Variants in VPS13B observed in about 807,000 individuals in gnomAD.
The protein encoded by VPS13B is vacuolar protein sorting 13 homolog B.
In VPS13B, 285 loss-of-function variants were observed where a neutral mutation model predicts 426.4. The ratio of observed to expected loss-of-function variants is 0.67; its 90% CI spans 0.61 to 0.74. The LOEUF (loss-of-function observed/expected upper bound fraction) is 0.74. VPS13B is among the 30% of genes least tolerant of loss of function. VPS13B has a pLI of 0.00. For synonymous variants in VPS13B, 1,676 were observed against 1,676.4 expected, an observed-to-expected ratio of 1.00 and a Z score of 0.01; for missense variants, 4,537 against 4,782.6, an observed-to-expected ratio of 0.95 and a Z score of 1.51.
intron 40 of VPS13B, 46 bp downstream of exon 40, chr8:99,767,016 T>G (rs1222067968): frequency 6.3e-7 from 1 of 1,587,136 alleles, no homozygotes; most frequent in Non-Finnish European, 8.6e-7. Flanking sequence ...TGGGAAACAA[T>G]GATAAGTCAT....
intron 14 of VPS13B, 103 bp from the exon 15 acceptor site, chr8:99,156,446 T>A (rs1298359927): frequency 6.4e-6 from 7 of 1,087,852 alleles, no homozygotes; most frequent in Non-Finnish European, 8.2e-6. Flanking sequence ...TAGATTGATT[T>A]GATATCACTG....
At chr8:99,311,527 C>T (rs1463437070) in intron 19 of VPS13B, among the ~76,000 whole-genome samples, 2 of 152,156 alleles carry the variant, frequency 1.3e-5, no homozygotes, top group Non-Finnish European at 2.9e-5. Flanking sequence ...GCACTTTGGT[C>T]TGAGAGACAG....
chr8:99,531,100 A>G (rs1048149670), intron 30 of VPS13B, among the ~76,000 whole-genome samples: 15 of 152,192 alleles, frequency 9.9e-5, no homozygotes, highest in African/African-American at 3.1e-4. Context: ...TGTTCCTTAA[A>G]ATAGTCTTAG....
intron 19 of VPS13B, among the ~76,000 whole-genome samples, chr8:99,280,653 C>T (rs1280058722): frequency 6.6e-6 from 1 of 152,064 alleles, no homozygotes; most frequent in African/African-American, 2.4e-5. Context: ...CCTCCTCTTC[C>T]TTTTCCTTCT....
chr8:99,848,525 G>C, intron 54 of VPS13B, among the ~76,000 whole-genome samples: 1 of 152,144 alleles, frequency 6.6e-6, no homozygotes, highest in East Asian at 1.9e-4. Context: ...AGAGAATGAA[G>C]ATACTCATGC....
intron 17 of VPS13B, among the ~76,000 whole-genome samples, chr8:99,238,348 T>C (rs1816748267): frequency 6.6e-6 from 1 of 152,100 alleles, no homozygotes; most frequent in African/African-American, 2.4e-5. Context: ...GTATTTACTA[T>C]TTTCAGATTT....
At chr8:99,757,374 T>C (rs1034004185) in intron 39 of VPS13B, among the ~76,000 whole-genome samples, 4 of 152,188 alleles carry the variant, frequency 2.6e-5, no homozygotes, top group African/African-American at 9.6e-5. Context: ...ACCAACTCTT[T>C]ATTAGGCTAC....
chr8:99,362,076 C>T (rs540906751), intron 19 of VPS13B, among the ~76,000 whole-genome samples: 5 of 150,478 alleles, frequency 3.3e-5, no homozygotes, highest in South Asian at 2.1e-4. Context: ...CTAGGACATT[C>T]GTTTACTTTG....
intron 40 of VPS13B, among the ~76,000 whole-genome samples, chr8:99,774,973 C>T (rs879670290): frequency 3.9e-5 from 6 of 152,180 alleles, no homozygotes; most frequent in African/African-American, 4.8e-5. Flanking sequence ...TAACTGAAAA[C>T]CCTTTGAGGT....
chr8:99,314,680 G>A (rs892485433), intron 19 of VPS13B, among the ~76,000 whole-genome samples: 1 of 151,728 alleles, frequency 6.6e-6, no homozygotes, highest in Non-Finnish European at 1.5e-5. Flanking sequence ...GAAACTCCTG[G>A]CCTCATGCAA....
At chr8:99,608,250 G>A (rs1004291987) in intron 33 of VPS13B, among the ~76,000 whole-genome samples, 1 of 150,316 alleles carries the variant, frequency 6.7e-6, no homozygotes, top group Non-Finnish European at 1.5e-5. Context: ...CCATGCTCAA[G>A]CCATCCTCCT....
intron 24 of VPS13B, among the ~76,000 whole-genome samples, chr8:99,480,982 T>G (rs1820003526): frequency 6.6e-6 from 1 of 152,168 alleles, no homozygotes; most frequent in African/African-American, 2.4e-5. Flanking sequence ...CTTGTGTAAA[T>G]ATCTTAGGAC....
intron 20 of VPS13B, among the ~76,000 whole-genome samples, chr8:99,391,134 TTTTATAAGGATAAC>T (rs143919942): frequency 0.032 from 4,802 of 152,278 alleles, 112 homozygotes; most frequent in South Asian, 0.076. Flanking sequence ...TAAGGATCCA[TTTTATAAGGATAAC>T]TTTATAAGGA....
chr8:99,085,468 TTGTTATGTGTGAA>T (rs570333388), intron 3 of VPS13B, among the ~76,000 whole-genome samples: 160 of 152,350 alleles, frequency 1.1e-3, no homozygotes, highest in African/African-American at 3.7e-3. Context: ...AAGGTTAATA[TTGTTATGTGTGAA>T]TTTGATCCTG....
intron 4 of VPS13B, among the ~76,000 whole-genome samples, chr8:99,098,091 A>T (rs1846524353): frequency 6.6e-6 from 1 of 152,124 alleles, no homozygotes; most frequent in African/African-American, 2.4e-5. Context: ...ATAATTATTG[A>T]TGTGGTTGTA....
intron 7 of VPS13B, among the ~76,000 whole-genome samples, chr8:99,117,326 A>G (rs898562275): frequency 6.6e-6 from 1 of 152,170 alleles, no homozygotes; most frequent in African/African-American, 2.4e-5. Context: ...AGAAACTGGA[A>G]CTCATATAAG....
At chr8:99,828,156 A>G (rs902693806) in intron 51 of VPS13B, among the ~76,000 whole-genome samples, 2 of 151,824 alleles carry the variant, frequency 1.3e-5, no homozygotes, top group African/African-American at 2.4e-5. Flanking sequence ...TGTTGAGCTA[A>G]TATTGACAGT....
chr8:99,781,491 A>G (rs1812019832), intron 42 of VPS13B, among the ~76,000 whole-genome samples: 1 of 152,178 alleles, frequency 6.6e-6, no homozygotes, highest in African/African-American at 2.4e-5. Context: ...GTGACGTCAA[A>G]TACATGTGAA....
intron 35 of VPS13B, among the ~76,000 whole-genome samples, chr8:99,664,969 T>G (rs1298725444): frequency 6.6e-6 from 1 of 152,204 alleles, no homozygotes; most frequent in Non-Finnish European, 1.5e-5. Flanking sequence ...CCACATCCTC[T>G]CCAGCACCTG....
Sources: gnomAD v4.1 joint callset for allele counts (sites outside exome capture counted in the v4.1 genomes callset) on GRCh38, gnomAD v4.1.1 for gene constraint, MANE v1.5 for transcripts, NCBI Gene and HGNC (gene_info 2026-07-23, HGNC 2026-07-21) for gene names.